Variants in ESYT2 observed in about 807,000 individuals in gnomAD.
The protein encoded by ESYT2 is extended synaptotagmin 2, also known as extended synaptotagmin-2.
A neutral mutation model predicts 107.2 loss-of-function variants in ESYT2; 54 were observed. The observed-to-expected ratio is 0.50, with a 90% CI of 0.40 to 0.63. The LOEUF (loss-of-function observed/expected upper bound fraction) is 0.63. Ranked by LOEUF, ESYT2 falls within the 30% of genes least tolerant of loss-of-function variation. The pLI, the probability that ESYT2 is intolerant of heterozygous loss-of-function variation, is 0.00. For missense variants in ESYT2, 1,020 were observed against 1,094.5 expected, an observed-to-expected ratio of 0.93 and a Z score of 0.96; for synonymous variants, 491 against 434.1, an observed-to-expected ratio of 1.13 and a Z score of -1.63.
intron 1 of ESYT2, among the ~76,000 whole-genome samples, chr7:158,812,392 G>A (rs1180942423): frequency 2.0e-5 from 3 of 152,220 alleles, no homozygotes; most frequent in Admixed American, 6.5e-5. Context: ...GGAGATGTAA[G>A]TCAGAGCCAC....
chr7:158,758,964 C>T (rs1019390679), intron 13 of ESYT2, among the ~76,000 whole-genome samples: 5 of 152,208 alleles, frequency 3.3e-5, no homozygotes, highest in African/African-American at 1.2e-4. Flanking sequence ...GGCAGTAGGT[C>T]ATTCCGAGAC....
chr7:158,736,977 C>G (rs73526313), intron 20 of ESYT2, 71 bp downstream of exon 20: 145,509 of 1,582,840 alleles, frequency 0.092, 13,129 homozygotes, highest in East Asian at 0.52. Context: ...CACTCAAAGG[C>G]ACCATTTAGG....
intron 8 of ESYT2, 57 bp downstream of exon 8, chr7:158,767,597 A>T (rs1172302201): frequency 5.7e-6 from 9 of 1,577,694 alleles, no homozygotes; most frequent in Non-Finnish European, 6.9e-6. Flanking sequence ...CCACACCCGC[A>T]GGCAGGCAGG....
chr7:158,792,271 C>A (rs1490224344), intron 4 of ESYT2, among the ~76,000 whole-genome samples: 2 of 150,380 alleles, frequency 1.3e-5, no homozygotes, highest in Non-Finnish European at 2.9e-5. Flanking sequence ...CGCCTGTGAT[C>A]CCAGAGCTTC....
At chr7:158,774,362 T>C (rs1246865132) in intron 6 of ESYT2, among the ~76,000 whole-genome samples, 1 of 152,184 alleles carries the variant, frequency 6.6e-6, no homozygotes, top group Non-Finnish European at 1.5e-5. Flanking sequence ...AGAAATGAGA[T>C]ATAAATATAA....
At chr7:158,814,895 A>G (rs900681047) in intron 1 of ESYT2, among the ~76,000 whole-genome samples, 1 of 152,120 alleles carries the variant, frequency 6.6e-6, no homozygotes, top group African/African-American at 2.4e-5. Flanking sequence ...AAATGACTAG[A>G]TTAGATGGTG....
chr7:158,799,485 C>T (rs369359173), intron 1 of ESYT2, among the ~76,000 whole-genome samples: 1 of 152,152 alleles, frequency 6.6e-6, no homozygotes, highest in Non-Finnish European at 1.5e-5. Flanking sequence ...CCAGGCCAGC[C>T]GTGGTGGCCC....
chr7:158,741,980 T>C, intron 17 of ESYT2, 84 bp from the exon 18 acceptor site: 2 of 1,433,886 alleles, frequency 1.4e-6, no homozygotes, highest in Middle Eastern at 1.9e-4. Flanking sequence ...TGTCTTTACC[T>C]GCAAAAATTT....
At chr7:158,781,496 C>T (rs976864579) in intron 6 of ESYT2, among the ~76,000 whole-genome samples, 40 of 146,310 alleles carry the variant, frequency 2.7e-4, no homozygotes, top group African/African-American at 1.0e-3. Context: ...AACAAGTGAA[C>T]GAGTGAACGT....
At chr7:158,785,381 C>T (rs989814662) in intron 6 of ESYT2, among the ~76,000 whole-genome samples, 44 of 151,772 alleles carry the variant, frequency 2.9e-4, no homozygotes, top group Admixed American at 5.3e-4. Flanking sequence ...GCCGAGATTG[C>T]GCCACTGCAC....
chr7:158,734,338 G>A, intron 22 of ESYT2, 84 bp downstream of exon 22: 1 of 1,611,612 alleles, frequency 6.2e-7, no homozygotes, highest in South Asian at 1.1e-5. Context: ...TTCCACCACT[G>A]TCTGTGGGGG....
chr7:158,753,732 A>C (rs1387553203), intron 13 of ESYT2, among the ~76,000 whole-genome samples: 2 of 151,118 alleles, frequency 1.3e-5, no homozygotes, highest in African/African-American at 2.4e-5. Flanking sequence ...GCAGGAATTC[A>C]CATGACCCTA....
At chr7:158,816,066 T>C (rs1230717525) in intron 1 of ESYT2, among the ~76,000 whole-genome samples, 2 of 152,140 alleles carry the variant, frequency 1.3e-5, no homozygotes, top group Non-Finnish European at 2.9e-5. Context: ...TGTGGTAAAA[T>C]GGAGGATCTT....
At chr7:158,826,750 G>A (rs1297798779) in intron 1 of ESYT2, among the ~76,000 whole-genome samples, 2 of 150,672 alleles carry the variant, frequency 1.3e-5, no homozygotes, top group Admixed American at 1.3e-4. Flanking sequence ...GAACCCGGGA[G>A]GCGGAGGTTG....
chr7:158,742,301 CCT>C (rs1563618921), intron 17 of ESYT2, among the ~76,000 whole-genome samples: 1 of 152,212 alleles, frequency 6.6e-6, no homozygotes, highest in Non-Finnish European at 1.5e-5. Flanking sequence ...AGGCCACCCC[CCT>C]GAAGCTGACC....
intron 1 of ESYT2, among the ~76,000 whole-genome samples, chr7:158,818,660 T>A (rs1840210706): frequency 6.6e-6 from 1 of 152,236 alleles, no homozygotes; most frequent in South Asian, 2.1e-4. Context: ...CCATGTCCAG[T>A]GTGTTCACTG....
intron 7 of ESYT2, among the ~76,000 whole-genome samples, 194 bp downstream of exon 7, chr7:158,773,147 C>T (rs746471391): frequency 3.9e-5 from 6 of 152,112 alleles, no homozygotes; most frequent in Non-Finnish European, 5.9e-5. Flanking sequence ...CCTGGCCCAT[C>T]GCCTCCCAGC....
intron 16 of ESYT2, among the ~76,000 whole-genome samples, chr7:158,747,781 G>A (rs898003947): frequency 6.6e-5 from 10 of 152,172 alleles, no homozygotes; most frequent in South Asian, 6.2e-4. Flanking sequence ...GGTCTAAACC[G>A]GAAAGAACCC....
rs373633064 is a variant in ESYT2, at chr7:158,767,809, A to G, written c.804-35T>C. 5.7e-6 allele frequency: 9 copies of G among 1,592,378 alleles called. No homozygotes were observed. In the African/African-American group the frequency reaches 6.7e-5, roughly 12 times the overall value. On this transcript the variant is annotated intron_variant, in intron 7 of 22. Transcript: ENST00000275418. ...GGGAGACAAAAAGAGCAAACGGACT[A>G]TCAGACATGTGAATGCTTCTCTCAC...
Sources: allele counts gnomAD v4.1 joint callset (sites outside exome capture counted in the v4.1 genomes callset), GRCh38; gene constraint gnomAD v4.1.1; transcripts MANE v1.5; gene names NCBI Gene and HGNC (gene_info 2026-07-23, HGNC 2026-07-21).